CHKA: variants seen among roughly 807,000 people sequenced by gnomAD.
CHKA encodes CHETK-alpha.
A neutral mutation model predicts 60.1 loss-of-function variants in CHKA; 34 were observed. That is an observed-to-expected ratio of 0.57 (90% CI 0.43 to 0.75). The LOEUF (loss-of-function observed/expected upper bound fraction) is 0.75, where lower values mean the gene tolerates loss of function less well. Among genes scored for constraint, CHKA ranks in the 30% least tolerant of loss-of-function variants. The probability of loss-of-function intolerance (pLI) is 0.00; values close to 1 mark genes in which losing one functional copy is unlikely to be tolerated. For missense variants in CHKA, 563 were observed against 561.3 expected (o/e 1.00, Z -0.03); for synonymous variants, 217 against 223.1 (o/e 0.97, Z 0.24).
At chr11:68,083,597 C>T (rs181426893) in intron 2 of CHKA, among the ~76,000 whole-genome samples, 49 of 152,206 alleles carry the variant, frequency 3.2e-4, no homozygotes, top group South Asian at 8.3e-4. Flanking sequence ...TATCTAATGG[C>T]GCTCGCAAAA....
At chr11:68,095,364 CTG>C (rs567105517) in intron 2 of CHKA, among the ~76,000 whole-genome samples, 84 of 130,724 alleles carry the variant, frequency 6.4e-4, no homozygotes, top group African/African-American at 1.8e-3. Context: ...GATTGCACCA[CTG>C]CACTCCAGCC....
chr11:68,112,632 A>G (rs1207029926), intron 1 of CHKA, among the ~76,000 whole-genome samples: 2 of 152,254 alleles, frequency 1.3e-5, no homozygotes, highest in African/African-American at 4.8e-5. Flanking sequence ...CTTCATTAAA[A>G]TTAAAAACTG....
intron 11 of CHKA, among the ~76,000 whole-genome samples, chr11:68,060,862 T>C (rs1447536072): frequency 2.6e-5 from 4 of 152,122 alleles, no homozygotes; most frequent in Non-Finnish European, 5.9e-5. Context: ...TTACCTAATA[T>C]CATCCTTGCA....
intron 6 of CHKA, among the ~76,000 whole-genome samples, chr11:68,069,390 G>A (rs1164570500): frequency 1.3e-5 from 2 of 152,148 alleles, no homozygotes. Flanking sequence ...AGTAATTAAA[G>A]GTGTAAATAC....
intron 11 of CHKA, among the ~76,000 whole-genome samples, chr11:68,059,309 TC>T (rs1344960620): frequency 1.2e-4 from 19 of 152,238 alleles, no homozygotes; most frequent in African/African-American, 4.1e-4. Context: ...TTTCCTGTGG[TC>T]CCTGAGATAA....
chr11:68,121,292 C>CG lies in CHKA; in HGVS notation c.-116_-115insC, dbSNP rs1858641601. 8 of 887,346 alleles carry CG rather than the reference C, an allele frequency of 9.0e-6. No homozygotes were observed. The East Asian group carries it at 6.9e-4, about 76-fold the overall frequency. 55.0% of individuals were successfully genotyped at this position (887,346 alleles called of 1,614,324 possible). A position where few individuals can be genotyped will look rare whatever the true frequency, so the allele number is the denominator to read the frequency against. On this transcript the variant is annotated 5_prime_UTR_variant, in exon 1 of 12. Transcript: ENST00000265689. The stretch of plus-strand genomic sequence containing the variant: ...ACTGGCAGGCCGGCGGGGCAGGGGG[C>CG]CGCGGCGGTTGGGCGCGCGGGGCGG...
rs1202226137 is a variant in CHKA, at chr11:68,052,881, G to GTA, written c.*1105_*1106dup. Reference sequence around the variant, plus strand: ...AGGTTGGGTTTTTATTTTTTTATTTGTATAGTACAATCTCTGTGGTAGCAG... The same window carrying GTA: ...AGGTTGGGTTTTTATTTTTTTATTTGTATATAGTACAATCTCTGTGGTAGCAG... On this transcript the variant is annotated 3_prime_UTR_variant, in exon 12 of 12. Transcript: ENST00000265689. 1 of 152,222 alleles carries GTA rather than the reference G, an allele frequency of 6.6e-6. No homozygotes were observed. The highest frequency in any genetic ancestry group is 1.5e-5 in the Non-Finnish European group (1 of 68,024). 9.4% of individuals were successfully genotyped at this position (152,222 alleles called of 1,614,324 possible).
At chr11:68,054,427 G>A (rs1440130905) in intron 11 of CHKA, among the ~76,000 whole-genome samples, 1 of 152,120 alleles carries the variant, frequency 6.6e-6, no homozygotes, top group Non-Finnish European at 1.5e-5. Context: ...AAAGACCCCT[G>A]GGACACAGGC....
intron 11 of CHKA, among the ~76,000 whole-genome samples, chr11:68,057,483 CTAA>C (rs1359773192): frequency 6.6e-6 from 1 of 152,044 alleles, no homozygotes; most frequent in African/African-American, 2.4e-5. Flanking sequence ...CCAGGCCCGG[CTAA>C]TTTTTTGTAT....
At chr11:68,070,629 C>A (rs541856447) in intron 5 of CHKA, 95 bp downstream of exon 5, 3 of 1,350,010 alleles carry the variant, frequency 2.2e-6, no homozygotes, top group African/African-American at 1.5e-5. Context: ...ACTAGGAAGA[C>A]CTCTGACTAC....
At chr11:68,080,353 T>C (rs867269378) in intron 3 of CHKA, among the ~76,000 whole-genome samples, 1 of 151,086 alleles carries the variant, frequency 6.6e-6, no homozygotes, top group Non-Finnish European at 1.5e-5. Flanking sequence ...ATTTTTTTCT[T>C]TTTTTTTTGC....
intron 1 of CHKA, among the ~76,000 whole-genome samples, chr11:68,100,297 T>C (rs1243130666): frequency 6.6e-6 from 1 of 152,146 alleles, no homozygotes; most frequent in Non-Finnish European, 1.5e-5. Flanking sequence ...TAATTAGATA[T>C]GAGAGGCATG....
At position 68,120,939 on chromosome 11, in the gene CHKA, TCTGCGGGCGG is replaced by T; in HGVS notation, c.229_238del (p.Pro77ThrfsTer75). On this transcript the variant is annotated frameshift_variant, in exon 1 of 12. Coordinates refer to ENST00000265689, the MANE Select transcript of CHKA (RefSeq NM_001277.3). LOFTEE classifies it high-confidence loss of function. ...CCGCGTCCGGGGCTCCGGCTGCTCGTCTGCGGGCGGCTGCGGCGGCGGGGGCTGGGGCAGC... is the reference window on the plus strand; with the variant it reads ...CCGCGTCCGGGGCTCCGGCTGCTCGTCTGCGGCGGCGGGGGCTGGGGCAGC... 1 of 1,189,340 alleles carries T rather than the reference TCTGCGGGCGG, an allele frequency of 8.4e-7. No individual in the cohort carries two copies. The highest frequency in any genetic ancestry group is 1.0e-6 in the Non-Finnish European group (1 of 953,932). The allele number at this position is 1,189,340 out of a possible 1,614,324, so 73.7% of individuals were successfully genotyped here. A position where few individuals can be genotyped will look rare whatever the true frequency, so the allele number is the denominator to read the frequency against.
intron 3 of CHKA, among the ~76,000 whole-genome samples, chr11:68,078,917 T>C (rs868612193): frequency 6.6e-5 from 10 of 151,674 alleles, no homozygotes; most frequent in Non-Finnish European, 1.5e-4. Flanking sequence ...CATAGTTCAG[T>C]TATTATTTTT....
intron 2 of CHKA, among the ~76,000 whole-genome samples, chr11:68,085,154 G>C (rs1283413036): frequency 6.6e-6 from 1 of 152,036 alleles, no homozygotes; most frequent in Non-Finnish European, 1.5e-5. Context: ...GGAAACAAAT[G>C]AGGCTACAGT....
chr11:68,113,424 C>T (rs919176514), intron 1 of CHKA, among the ~76,000 whole-genome samples: 2 of 152,228 alleles, frequency 1.3e-5, no homozygotes, highest in Admixed American at 6.6e-5. Context: ...TGACTGGGCG[C>T]GGTGGTTCAC....
In CHKA at chr11:68,116,665, C is replaced by T. The variant is rs540506275; in HGVS notation, c.350+4163G>A. Among the ~76,000 whole-genome samples, 3 of 151,644 alleles carry T rather than the reference C, an allele frequency of 2.0e-5. 1 individual carries two copies. In the South Asian group the frequency reaches 6.3e-4, roughly 32 times the overall value. ...CTGGGAGGCAGAGGTTGCAGTGAGC[C>T]GAGATCGCGCCATTGTGCTCCCGCC... On this transcript the variant is annotated intron_variant, in intron 1 of 11. Coordinates refer to ENST00000265689, the MANE Select transcript of CHKA (RefSeq NM_001277.3).
chr11:68,107,856 C>T (rs150388277), intron 1 of CHKA, among the ~76,000 whole-genome samples: 3 of 152,318 alleles, frequency 2.0e-5, no homozygotes, highest in Non-Finnish European at 2.9e-5. Flanking sequence ...TTCTAGCCCA[C>T]GCTGACTCCC....
chr11:68,056,421 A>G (rs910402354), intron 11 of CHKA, among the ~76,000 whole-genome samples: 2 of 152,190 alleles, frequency 1.3e-5, no homozygotes, highest in African/African-American at 4.8e-5. Flanking sequence ...GGGATAAGGA[A>G]TGCTGTACAG....
Sources: allele counts gnomAD v4.1 joint callset (sites outside exome capture counted in the v4.1 genomes callset), GRCh38; gene constraint gnomAD v4.1.1; transcripts MANE v1.5; gene names NCBI Gene and HGNC (gene_info 2026-07-23, HGNC 2026-07-21).